The following TSPAN5 variants were observed in gnomAD, a reference collection of about 807,000 sequenced individuals.
The protein encoded by TSPAN5 is tetraspanin-5.
In TSPAN5, 10 loss-of-function variants were observed where a neutral mutation model predicts 37.1. The observed-to-expected ratio is 0.27, with a 90% CI of 0.17 to 0.46. TSPAN5 has a LOEUF of 0.46. Among genes scored for constraint, TSPAN5 ranks in the 20% least tolerant of loss-of-function variants. The pLI is 1.00. For synonymous variants in TSPAN5, 110 were observed against 118.9 expected (o/e 0.93, Z 0.48); for missense variants, 195 against 326.6 (o/e 0.60, Z 3.11).
At chr4:98,601,878 T>C (rs1166228202) in intron 1 of TSPAN5, among the ~76,000 whole-genome samples, 1 of 152,188 alleles carries the variant, frequency 6.6e-6, no homozygotes, top group African/African-American at 2.4e-5. Flanking sequence ...TTCCTTTCAC[T>C]TAAACACTGA....
At chr4:98,609,905 T>C (rs558223640) in intron 1 of TSPAN5, among the ~76,000 whole-genome samples, 1 of 152,274 alleles carries the variant, frequency 6.6e-6, no homozygotes, top group African/African-American at 2.4e-5. Context: ...GCTGCCTGAC[T>C]GATTTCTCTG....
chr4:98,545,051 G>A (rs1191722623), intron 1 of TSPAN5, among the ~76,000 whole-genome samples: 1 of 152,172 alleles, frequency 6.6e-6, no homozygotes, highest in East Asian at 1.9e-4. Flanking sequence ...TGCCTCTCAT[G>A]GCTCCGTGAC....
At chr4:98,572,870 T>C (rs1358929703) in intron 1 of TSPAN5, among the ~76,000 whole-genome samples, 1 of 152,258 alleles carries the variant, frequency 6.6e-6, no homozygotes, top group Non-Finnish European at 1.5e-5. Context: ...GTCCAGATTG[T>C]CTAACTCATG....
intron 1 of TSPAN5, among the ~76,000 whole-genome samples, chr4:98,515,518 T>TCA (rs1753708723): frequency 6.6e-6 from 1 of 151,964 alleles, no homozygotes; most frequent in African/African-American, 2.4e-5. Context: ...AGAGGCTCTC[T>TCA]CTCTCTCTCT....
intron 1 of TSPAN5, among the ~76,000 whole-genome samples, chr4:98,527,393 C>T (rs2110124346): frequency 6.6e-6 from 1 of 152,154 alleles, no homozygotes; most frequent in East Asian, 1.9e-4. Context: ...TAAATACACT[C>T]CAAATTCTAG....
intron 3 of TSPAN5, chr4:98,485,389 G>A (rs1444215084): frequency 6.6e-6 from 1 of 152,250 alleles, no homozygotes. Flanking sequence ...GGGAGAGAGA[G>A]AGAGACACTG....
At chr4:98,590,082 C>A (rs1439226354) in intron 1 of TSPAN5, among the ~76,000 whole-genome samples, 1 of 152,086 alleles carries the variant, frequency 6.6e-6, no homozygotes, top group African/African-American at 2.4e-5. Flanking sequence ...CAAAGGTACA[C>A]AACACAGACC....
intron 1 of TSPAN5, among the ~76,000 whole-genome samples, chr4:98,529,843 T>C (rs539746300): frequency 2.0e-5 from 3 of 152,390 alleles, no homozygotes; most frequent in African/African-American, 7.2e-5. Context: ...ACACAAGATC[T>C]GTAATAATTC....
intron 1 of TSPAN5, among the ~76,000 whole-genome samples, chr4:98,566,019 A>G (rs1754996188): frequency 6.6e-6 from 1 of 152,254 alleles, no homozygotes; most frequent in Non-Finnish European, 1.5e-5. Flanking sequence ...CCTTAGTTTT[A>G]GCGAGGAGAA....
At chr4:98,633,161 A>G (rs12505801) in intron 1 of TSPAN5, among the ~76,000 whole-genome samples, 78,981 of 152,016 alleles carry the variant, frequency 0.52, 20,677 homozygotes, top group Admixed American at 0.58. Context: ...TAAAAGGGCC[A>G]GTACATAAAA....
intron 1 of TSPAN5, among the ~76,000 whole-genome samples, chr4:98,607,912 T>C (rs928872457): frequency 2.0e-5 from 3 of 152,062 alleles, no homozygotes; most frequent in Non-Finnish European, 2.9e-5. Flanking sequence ...AGTTTCACCA[T>C]ATTGCCCAGG....
chr4:98,549,313 T>G (rs1490383163), intron 1 of TSPAN5, among the ~76,000 whole-genome samples: 3 of 129,236 alleles, frequency 2.3e-5, no homozygotes, highest in Non-Finnish European at 4.7e-5. Flanking sequence ...TTTTTTTTTG[T>G]TTTTTTTGAG....
chr4:98,531,212 C>A (rs1415595075), intron 1 of TSPAN5, among the ~76,000 whole-genome samples: 2 of 152,112 alleles, frequency 1.3e-5, no homozygotes, highest in Non-Finnish European at 2.9e-5. Flanking sequence ...TAATGCTATC[C>A]CTCCCCTACC....
chr4:98,548,639 A>G (rs1754526033), intron 1 of TSPAN5, among the ~76,000 whole-genome samples: 1 of 152,108 alleles, frequency 6.6e-6, no homozygotes, highest in Non-Finnish European at 1.5e-5. Context: ...TAAACTTTCT[A>G]CCCAATCATA....
intron 1 of TSPAN5, among the ~76,000 whole-genome samples, chr4:98,646,983 A>T (rs561627925): frequency 5.3e-4 from 80 of 152,292 alleles, no homozygotes; most frequent in African/African-American, 1.3e-3. Context: ...TTGCAGATGA[A>T]GGGGAGACTT....
At position 98,551,100 on chromosome 4, in the gene TSPAN5, T is replaced by G. The variant is rs561724170; in HGVS notation, c.82-43372A>C. 3.9e-5 allele frequency among the ~76,000 whole-genome samples: 6 copies of G among 152,244 alleles called. No homozygotes were observed. In the South Asian group the frequency reaches 1.2e-3, roughly 32 times the overall value. Reference sequence around the variant, plus strand: ...CTTTTATCATGAAGAGATGCTGAATTTTACTGAATGCTTTTTTCTGCATCT... The same window carrying G: ...CTTTTATCATGAAGAGATGCTGAATGTTACTGAATGCTTTTTTCTGCATCT... On this transcript the variant is annotated intron_variant, in intron 1 of 7. Transcript: ENST00000305798.
rs1752850787 is a variant in TSPAN5, at chr4:98,482,086, C to T, written c.369G>A (p.Leu123=). The T allele has an allele frequency of 1.9e-6, 3 of 1,614,132 alleles. No homozygotes were observed. The highest frequency in any genetic ancestry group is 1.3e-5 in the African/African-American group (1 of 75,052). ...TGATGTTGTTGTTTATAAAGAAATA[C>T]AGCTGGTCTTTGATCCAGTCTTTGA... ...FVFKDWIKDQ[L]YFFINNNIRA... is the part of the protein sequence containing the mutation. The change falls in exon 4 of 8, where the codon CTG becomes CTA. Residue 123 remains leucine, a synonymous_variant. Transcript: ENST00000305798.
chr4:98,531,828 T>G (rs577904525), intron 1 of TSPAN5, among the ~76,000 whole-genome samples: 3 of 152,372 alleles, frequency 2.0e-5, no homozygotes, highest in Non-Finnish European at 2.9e-5. Flanking sequence ...ATGAGCTTTT[T>G]TTCATATGTT....
At chr4:98,478,092 G>A (rs1752747883) in intron 5 of TSPAN5, among the ~76,000 whole-genome samples, 2 of 152,182 alleles carry the variant, frequency 1.3e-5, no homozygotes, top group Admixed American at 6.5e-5. Context: ...AATGCAAACT[G>A]CATGACTATA....
Sources: allele counts gnomAD v4.1 joint callset (sites outside exome capture counted in the v4.1 genomes callset), GRCh38; gene constraint gnomAD v4.1.1; transcripts MANE v1.5; gene names NCBI Gene and HGNC (gene_info 2026-07-23, HGNC 2026-07-21).